Variants in ILDR2 observed in about 807,000 individuals in gnomAD.
ILDR2 encodes the protein immunoglobulin-like domain-containing receptor 2.
A neutral mutation model predicts 66.8 loss-of-function variants in ILDR2; 25 were observed. The ratio of observed to expected loss-of-function variants is 0.37; its 90% CI spans 0.27 to 0.52. The LOEUF is 0.52. Among genes scored for constraint, ILDR2 ranks in the 20% least tolerant of loss-of-function variants. The pLI, the probability that ILDR2 is intolerant of heterozygous loss-of-function variation, is 0.88. For synonymous variants in ILDR2, 367 were observed against 357.2 expected (o/e 1.03, Z -0.31); for missense variants, 827 against 876.8 (o/e 0.94, Z 0.72).
At chr1:166,935,259 C>G (rs1048647273) in intron 6 of ILDR2, 42 bp downstream of exon 6, 12 of 1,605,774 alleles carry the variant, frequency 7.5e-6, no homozygotes, top group Non-Finnish European at 1.0e-5. Flanking sequence ...ACTGTGGGGG[C>G]CCGAGACAAG....
intron 1 of ILDR2, among the ~76,000 whole-genome samples, chr1:166,972,389 A>G (rs1006047556): frequency 8.6e-5 from 13 of 152,006 alleles, no homozygotes; most frequent in Non-Finnish European, 1.5e-4. Flanking sequence ...ATAAAACACC[A>G]CCCATATTCA....
At chr1:166,943,088 T>A (rs1661404241) in intron 3 of ILDR2, among the ~76,000 whole-genome samples, 1 of 152,150 alleles carries the variant, frequency 6.6e-6, no homozygotes, top group African/African-American at 2.4e-5. Flanking sequence ...GTAGGTGATA[T>A]GTGCAGTAAA....
At chr1:166,934,794 T>C (rs952334041) in intron 6 of ILDR2, among the ~76,000 whole-genome samples, 3 of 152,218 alleles carry the variant, frequency 2.0e-5, no homozygotes, top group Non-Finnish European at 4.4e-5. Context: ...TCCTCTAGGC[T>C]CAGCTCAAAT....
chr1:166,932,937 C>A (rs1208815100), intron 6 of ILDR2, among the ~76,000 whole-genome samples: 1 of 152,160 alleles, frequency 6.6e-6, no homozygotes, highest in East Asian at 1.9e-4. Context: ...CTGGCATAAG[C>A]CACCTTTGCT....
chr1:166,919,946 G>A (rs1056872082), intron 9 of ILDR2, among the ~76,000 whole-genome samples: 9 of 152,256 alleles, frequency 5.9e-5, no homozygotes, highest in African/African-American at 2.2e-4. Context: ...CCAAAGCATG[G>A]GGGTCAGAGG....
chr1:166,933,261 T>A (rs1236632848), intron 6 of ILDR2, among the ~76,000 whole-genome samples: 1 of 152,256 alleles, frequency 6.6e-6, no homozygotes, highest in Non-Finnish European at 1.5e-5. Flanking sequence ...AGGGAAAGTC[T>A]GCTGGAAAAG....
intron 1 of ILDR2, among the ~76,000 whole-genome samples, chr1:166,965,583 T>G (rs7414895): frequency 5.7e-5 from 8 of 141,424 alleles, no homozygotes; most frequent in Admixed American, 1.4e-4. Flanking sequence ...TTTTTTTTTG[T>G]TTTTTTTTTG....
At chr1:166,972,919 T>C (rs1663392977) in intron 1 of ILDR2, among the ~76,000 whole-genome samples, 1 of 152,224 alleles carries the variant, frequency 6.6e-6, no homozygotes, top group South Asian at 2.1e-4. Context: ...CTCATGGTTC[T>C]CTGTGAAGAA....
intron 3 of ILDR2, among the ~76,000 whole-genome samples, chr1:166,941,670 G>GT (rs769584400): frequency 2.6e-5 from 4 of 151,920 alleles, no homozygotes; most frequent in Non-Finnish European, 4.4e-5. Context: ...GATTTTTATT[G>GT]TTTTTTTCAA....
Position 166,917,157 on chromosome 1 carries a change from G to T in ILDR2, c.*2198C>A, listed in dbSNP as rs1052818478. On this transcript the variant is annotated 3_prime_UTR_variant, in exon 10 of 10. Coordinates refer to ENST00000271417, the MANE Select transcript of ILDR2 (RefSeq NM_199351.3). Reference sequence around the variant, plus strand: ...AGCAAGTCTAAAACTCAGCACCAGGGTTATGGCTTGTGTCTTCCAGCCCTT... The same window carrying T: ...AGCAAGTCTAAAACTCAGCACCAGGTTTATGGCTTGTGTCTTCCAGCCCTT... 1 of 152,222 alleles carries T rather than the reference G, an allele frequency of 6.6e-6. No individual in the cohort carries two copies. The highest frequency in any genetic ancestry group is 2.4e-5 in the African/African-American group (1 of 41,444). The allele number at this position is 152,222 out of a possible 1,614,324, so 9.4% of individuals were successfully genotyped here. A position where few individuals can be genotyped will look rare whatever the true frequency, so the allele number is the denominator to read the frequency against.
chr1:166,955,753 G>A (rs1662242595), intron 3 of ILDR2, among the ~76,000 whole-genome samples: 1 of 152,160 alleles, frequency 6.6e-6, no homozygotes, highest in Non-Finnish European at 1.5e-5. Flanking sequence ...TTTCTCCCTA[G>A]GGATTGAGTT....
Position 166,919,304 on chromosome 1 carries a change from TC to T in ILDR2, c.*50del. ...TGCTGGTTCTTAGATTTGTGTCTTG[TC>T]CCCGTAGTCCATGTCTGATTTCTCA... On this transcript the variant is annotated 3_prime_UTR_variant, in exon 10 of 10. Coordinates refer to ENST00000271417, the MANE Select transcript of ILDR2 (RefSeq NM_199351.3). The T allele has an allele frequency of 6.5e-7, 1 of 1,538,440 alleles. No homozygotes were observed. Among genetic ancestry groups the T allele is most frequent in the Non-Finnish European group, 9.0e-7 (1 of 1,115,182 alleles).
Position 166,936,935 on chromosome 1 carries a change from G to A in ILDR2, c.557-198C>T, listed in dbSNP as rs1026180666. ...GTGCAGACCCTCAGTCCCGGGGAAT[G>A]GAGAAGAGGGAAGAAGGTTATCTAT... On this transcript the variant is annotated intron_variant, in intron 4 of 9. Coordinates refer to ENST00000271417, the MANE Select transcript of ILDR2 (RefSeq NM_199351.3). This position sits in a 1 kb window ranked among gnomAD's most constrained non-coding sequence, Gnocchi z 5.0. 4.6e-5 allele frequency among the ~76,000 whole-genome samples: 7 copies of A among 152,142 alleles called. No homozygotes were observed. The highest frequency in any genetic ancestry group is 1.4e-4 in the African/African-American group (6 of 41,406).
At chr1:166,954,459 ATAAG>A (rs773135975) in intron 3 of ILDR2, among the ~76,000 whole-genome samples, 30 of 152,338 alleles carry the variant, frequency 2.0e-4, no homozygotes, top group Non-Finnish European at 3.4e-4. Context: ...ACCCCTTTAA[ATAAG>A]TAACACAGCT....
chr1:166,925,198 T>A (rs933108138), intron 7 of ILDR2, among the ~76,000 whole-genome samples: 1 of 152,166 alleles, frequency 6.6e-6, no homozygotes, highest in Admixed American at 6.6e-5. Context: ...TCTTACAGAA[T>A]CTGTTACTCT....
chr1:166,902,724 C>T (rs1659282766), intron 2 of ILDR2, among the ~76,000 whole-genome samples: 1 of 152,196 alleles, frequency 6.6e-6, no homozygotes, highest in Non-Finnish European at 1.5e-5. Flanking sequence ...GCCCATTCTA[C>T]ATTTTGTAGG....
chr1:166,905,026 T>A (rs187686488), downstream of ILDR2, among the ~76,000 whole-genome samples: 42 of 152,372 alleles, frequency 2.8e-4, no homozygotes, highest in African/African-American at 9.6e-4. Flanking sequence ...AATATTGTTA[T>A]AACCAGTTTA....
At chr1:166,934,857 C>T (rs1488833302) in intron 6 of ILDR2, among the ~76,000 whole-genome samples, 1 of 152,190 alleles carries the variant, frequency 6.6e-6, no homozygotes, top group East Asian at 1.9e-4. Flanking sequence ...CTTCTTTGAA[C>T]TGATTGTCTT....
intron 1 of ILDR2, among the ~76,000 whole-genome samples, chr1:166,970,655 G>A (rs1262538230): frequency 6.6e-6 from 1 of 152,182 alleles, no homozygotes; most frequent in Non-Finnish European, 1.5e-5. Flanking sequence ...CTAGGTACTT[G>A]CACCGTAGTG....
Sources: allele counts gnomAD v4.1 joint callset (sites outside exome capture counted in the v4.1 genomes callset), GRCh38; gene constraint gnomAD v4.1.1; non-coding constraint Gnocchi (gnomAD v3.1); transcripts MANE v1.5; gene names NCBI Gene and HGNC (gene_info 2026-07-23, HGNC 2026-07-21).